The following SOX6 variants were observed in gnomAD, a reference collection of about 807,000 sequenced individuals.
SOX6 encodes transcription factor SOX-6.
A neutral mutation model predicts 97.8 loss-of-function variants in SOX6; 11 were observed. The observed-to-expected ratio is 0.11, with a 90% CI of 0.07 to 0.19. The LOEUF is 0.19. SOX6 is among the 10% of genes least tolerant of loss of function. The pLI, the probability that SOX6 is intolerant of heterozygous loss-of-function variation, is 1.00. For synonymous variants in SOX6, 360 were observed against 371.4 expected (o/e 0.97, Z 0.35); for missense variants, 810 against 1,039.5 (o/e 0.78, Z 3.04).
chr11:16,542,713 C>T (rs552605086), intron 4 of SOX6, among the ~76,000 whole-genome samples: 1 of 152,150 alleles, frequency 6.6e-6, no homozygotes, highest in African/African-American at 2.4e-5. Flanking sequence ...TTATGCAGCT[C>T]CATTTAAATT....
At chr11:16,543,919 A>T (rs1408493203) in intron 4 of SOX6, among the ~76,000 whole-genome samples, 1 of 152,218 alleles carries the variant, frequency 6.6e-6, no homozygotes, top group Non-Finnish European at 1.5e-5. Flanking sequence ...AACCATAAAC[A>T]TATATACAAA....
chr11:16,312,599 A>C (rs1462119828), intron 3 of SOX6: 1 of 152,210 alleles, frequency 6.6e-6, no homozygotes, highest in African/African-American at 2.4e-5. Context: ...CAACAACCAG[A>C]TTTAACCAGC....
chr11:16,013,858 A>T (rs1854804867), intron 13 of SOX6, among the ~76,000 whole-genome samples: 1 of 151,948 alleles, frequency 6.6e-6, no homozygotes, highest in African/African-American at 2.4e-5. Flanking sequence ...CCAGGCTCTC[A>T]CTAAAAGCCA....
In SOX6 at chr11:16,132,394, GAAAGAAAA is replaced by G. The variant is rs1159543037; in HGVS notation, c.778-20479_778-20472del. Among the ~76,000 whole-genome samples, 55 of 63,746 alleles carry G rather than the reference GAAAGAAAA, an allele frequency of 8.6e-4. 2 individuals are homozygous for G. The highest frequency in any genetic ancestry group is 2.2e-3 in the African/African-American group (31 of 14,168). 41.8% of individuals were successfully genotyped at this position (63,746 alleles called of 152,430 possible). On this transcript the variant is annotated intron_variant, in intron 6 of 15. Transcript: ENST00000683767. ...AGAAAGAAAGAAAGAAAGAAAGAAA[GAAAGAAAA>G]AAGAAAGAAAGAAAGAAAGAAAGAA... is the stretch of plus-strand genomic sequence containing the variant.
At chr11:16,336,429 C>A (rs1856462284) in intron 2 of SOX6, among the ~76,000 whole-genome samples, 1 of 152,124 alleles carries the variant, frequency 6.6e-6, no homozygotes, top group Non-Finnish European at 1.5e-5. Context: ...TGTCTCCACC[C>A]TTTGTGTAAA....
intron 3 of SOX6, among the ~76,000 whole-genome samples, chr11:16,638,231 G>T (rs575973901): frequency 3.0e-4 from 45 of 152,142 alleles, no homozygotes; most frequent in Admixed American, 2.2e-3. Flanking sequence ...CAAAGGACAT[G>T]AACTCATCAT....
chr11:16,046,538 C>A lies in SOX6; in HGVS notation c.1599G>T (p.Gly533=), dbSNP rs1472637935. ...CCTTTTCATTCCTGCAGCTGTTCAG[C>A]CCCATATTATTTATGGAGGACAGTT... The part of the protein sequence containing the change: ...DGKLSSINNM[G]LNSCRNEKER... Residue 533 remains glycine (G), a synonymous_variant, in exon 12 of 16, where the codon GGG becomes GGT. Transcript: ENST00000683767. 6.2e-7 allele frequency: 1 copy of A among 1,613,540 alleles called. No individual in the cohort carries two copies. The highest frequency in any genetic ancestry group is 2.2e-5 in the East Asian group (1 of 44,870).
intron 3 of SOX6, among the ~76,000 whole-genome samples, chr11:16,619,642 G>C (rs1240866415): frequency 5.9e-5 from 9 of 152,012 alleles, no homozygotes. Flanking sequence ...TAAACAAAGA[G>C]AGAAGGAAAA....
At position 16,605,210 on chromosome 11, in the gene SOX6, G is replaced by A. The variant is rs1848320931; in HGVS notation, n.609+6871C>T. On this transcript the variant is annotated intron_variant and non_coding_transcript_variant, in intron 4 of 5. Transcript: ENST00000524520. This position sits in a 1 kb window ranked among gnomAD's most constrained non-coding sequence, Gnocchi z 5.3. ...CCCCGGCAGGGCGCCGAGAAGGACG[G>A]AGGGCGCCGGCTGGGCTCAGGGACG... 6.6e-6 allele frequency among the ~76,000 whole-genome samples: 1 copy of A among 152,128 alleles called. No individual in the cohort carries two copies. The highest frequency in any genetic ancestry group is 2.4e-5 in the African/African-American group (1 of 41,548).
chr11:16,726,147 G>A lies in SOX6; in HGVS notation n.353+10192C>T, dbSNP rs143181684. Reference sequence around the variant, plus strand: ...GTGATGGCTGGGCATGGTGGTTCACGCCTATAATCCCAGTACTTTGGGAGG... The same window carrying A: ...GTGATGGCTGGGCATGGTGGTTCACACCTATAATCCCAGTACTTTGGGAGG... On this transcript the variant is annotated intron_variant and non_coding_transcript_variant, in intron 2 of 5. Coordinates refer to the SOX6 transcript ENST00000524520. Among the ~76,000 whole-genome samples the A allele has an allele frequency of 7.0e-3, 1,060 of 152,246 alleles. 14 individuals carry two copies. Among genetic ancestry groups the A allele is most frequent in the African/African-American group, 0.023 (957 of 41,560 alleles).
intron 9 of SOX6, among the ~76,000 whole-genome samples, chr11:16,072,606 A>T (rs1373689968): frequency 6.6e-6 from 1 of 152,164 alleles, no homozygotes; most frequent in Admixed American, 6.5e-5. Context: ...AACCTCTGTG[A>T]GATACTATAC....
At chr11:16,587,644 A>T (rs1301584084) in intron 4 of SOX6, among the ~76,000 whole-genome samples, 1 of 152,230 alleles carries the variant, frequency 6.6e-6, no homozygotes, top group South Asian at 2.1e-4. Context: ...CTGTTCATTT[A>T]TTAAATGCTT....
chr11:16,285,314 T>C (rs1210268781), intron 3 of SOX6, among the ~76,000 whole-genome samples: 5 of 152,024 alleles, frequency 3.3e-5, no homozygotes, highest in African/African-American at 9.7e-5. Flanking sequence ...AGGGGGATCA[T>C]CTGAGGTCAG....
intron 4 of SOX6, among the ~76,000 whole-genome samples, chr11:16,509,729 G>A (rs1239512814): frequency 6.6e-6 from 1 of 151,838 alleles, no homozygotes; most frequent in Non-Finnish European, 1.5e-5. Flanking sequence ...CGGGCATATT[G>A]AGCAATAAAC....
At chr11:16,507,772 A>G (rs1860815073) in intron 4 of SOX6, among the ~76,000 whole-genome samples, 1 of 152,188 alleles carries the variant, frequency 6.6e-6, no homozygotes, top group African/African-American at 2.4e-5. Flanking sequence ...TTAAACATAG[A>G]CCTGAAACTA....
At chr11:16,097,466 G>A (rs1048587029) in intron 8 of SOX6, 143 bp downstream of exon 8, 12 of 731,452 alleles carry the variant, frequency 1.6e-5, no homozygotes, top group Admixed American at 4.2e-5. Context: ...TTTGCATTAC[G>A]ATAAGCAAAT....
intron 1 of SOX6, among the ~76,000 whole-genome samples, chr11:16,432,250 T>C (rs1268902218): frequency 2.0e-5 from 3 of 152,042 alleles, no homozygotes; most frequent in African/African-American, 7.2e-5. Flanking sequence ...CTGAGTGAAG[T>C]AGGAACAATG....
chr11:16,630,928 G>A (rs532047876), intron 3 of SOX6, among the ~76,000 whole-genome samples: 1 of 152,182 alleles, frequency 6.6e-6, no homozygotes, highest in East Asian at 1.9e-4. Context: ...TGTTTTCCAT[G>A]TGCATGACAG....
chr11:16,457,400 A>G (rs1859829328), intron 1 of SOX6, among the ~76,000 whole-genome samples: 1 of 152,238 alleles, frequency 6.6e-6, no homozygotes. Flanking sequence ...GGAATCACAA[A>G]GTCCTTCTTG....
Sources: allele counts gnomAD v4.1 joint callset (sites outside exome capture counted in the v4.1 genomes callset), GRCh38; gene constraint gnomAD v4.1.1; non-coding constraint Gnocchi (gnomAD v3.1); transcripts MANE v1.5; gene names NCBI Gene and HGNC (gene_info 2026-07-23, HGNC 2026-07-21).